MAGI3: variants seen among roughly 807,000 people sequenced by gnomAD.
The protein encoded by MAGI3 is membrane associated guanylate kinase, WW and PDZ domain containing 3, also known as membrane-associated guanylate kinase, WW and PDZ domain-containing protein 3.
MAGI3 carries 43 observed loss-of-function variants against 121.8 expected under a neutral mutation model. The observed-to-expected ratio is 0.35, with a 90% confidence interval of 0.28 to 0.46. The LOEUF (loss-of-function observed/expected upper bound fraction) is 0.46, where lower values mean the gene tolerates loss of function less well. MAGI3 is among the 20% of genes least tolerant of loss of function. The pLI, the probability that MAGI3 is intolerant of heterozygous loss-of-function variation, is 1.00. For synonymous variants in MAGI3, 553 were observed against 639.3 expected (o/e 0.86, Z 2.04); for missense variants, 1,547 against 1,797.3 (o/e 0.86, Z 2.52).
intron 15 of MAGI3, 111 bp downstream of exon 15, chr1:113,654,129 T>C: frequency 1.2e-6 from 1 of 825,736 alleles, no homozygotes; most frequent in Non-Finnish European, 1.9e-6. Flanking sequence ...TAGGTACTTA[T>C]CTTTTTAAGA....
intron 1 of MAGI3, among the ~76,000 whole-genome samples, chr1:113,512,828 G>A (rs968582299): frequency 6.6e-6 from 1 of 152,194 alleles, no homozygotes; most frequent in East Asian, 1.9e-4. Context: ...AAAAGAGGAA[G>A]TCAAATTGTC....
chr1:113,437,091 G>A (rs558796387), intron 1 of MAGI3, among the ~76,000 whole-genome samples: 1 of 152,206 alleles, frequency 6.6e-6, no homozygotes, highest in African/African-American at 2.4e-5. Flanking sequence ...TGGGATTACA[G>A]GCATGAGCCA....
chr1:113,492,785 C>G (rs566985935), intron 1 of MAGI3, among the ~76,000 whole-genome samples: 3 of 152,182 alleles, frequency 2.0e-5, no homozygotes, highest in South Asian at 2.1e-4. Context: ...GGAATGTAAT[C>G]CCATTCACAA....
At chr1:113,603,148 C>T (rs1437463143) in intron 6 of MAGI3, among the ~76,000 whole-genome samples, 2 of 152,002 alleles carry the variant, frequency 1.3e-5, no homozygotes, top group Non-Finnish European at 1.5e-5. Flanking sequence ...AAAATGGAGA[C>T]ATTACAACAA....
intron 9 of MAGI3, among the ~76,000 whole-genome samples, chr1:113,627,286 T>C (rs539517691): frequency 8.5e-4 from 130 of 152,106 alleles, no homozygotes; most frequent in Non-Finnish European, 1.3e-3. Context: ...CCATAGCAGT[T>C]GAGAAGATAC....
In MAGI3 at chr1:113,683,205, A is replaced by G. The variant is rs1233623156; in HGVS notation, c.3637A>G (p.Asn1213Asp). 5.6e-6 allele frequency: 9 copies of G among 1,613,888 alleles called. No homozygotes were observed. The highest frequency in any genetic ancestry group is 7.6e-6 in the Non-Finnish European group (9 of 1,179,908). Residue 1213 changes from asparagine to aspartate, a missense_variant, in exon 21 of 21, where the codon AAT (asparagine) becomes GAT (aspartate). Transcript: ENST00000307546. ...SNKKNLLKVE[N>D]GVTRRGRSVS... ...CAAGAAAAATCTATTAAAAGTAGAA[A>G]ATGGTGTTACACGAAGAGGTAGATC...
In MAGI3 at chr1:113,391,263, C is replaced by T; in HGVS notation, c.230C>T (p.Thr77Met). The change falls in exon 1 of 21, where the codon ACG (threonine) becomes ATG (methionine). Residue 77 changes from threonine to methionine, a missense_variant. By Grantham distance (81) the Thr-to-Met change is moderately conservative. Coordinates refer to ENST00000307546, the MANE Select transcript of MAGI3 (RefSeq NM_001142782.2). This position sits in a 1 kb window ranked among gnomAD's most constrained non-coding sequence, Gnocchi z 4.4. ...PGDVLLEVNG[T>M]PVSGLTNRDT... is the part of the protein sequence containing the mutation. Reference sequence around the variant, plus strand: ...GATGTGCTGCTGGAGGTAAACGGGACGCCTGTCAGCGGGCTCACCAACCGG... The same window carrying T: ...GATGTGCTGCTGGAGGTAAACGGGATGCCTGTCAGCGGGCTCACCAACCGG... The T allele has an allele frequency of 6.3e-7, 1 of 1,584,640 alleles. No homozygotes were observed.
At chr1:113,475,201 C>A (rs893398954) in intron 1 of MAGI3, among the ~76,000 whole-genome samples, 1 of 152,158 alleles carries the variant, frequency 6.6e-6, no homozygotes, top group Admixed American at 6.5e-5. Context: ...AATTTAACTT[C>A]CTCATTTCTG....
At chr1:113,398,466 C>A (rs1411938473) in intron 1 of MAGI3, among the ~76,000 whole-genome samples, 1 of 152,058 alleles carries the variant, frequency 6.6e-6, no homozygotes, top group East Asian at 1.9e-4. Context: ...GAACGGTAAC[C>A]GATCTACTTA....
intron 9 of MAGI3, among the ~76,000 whole-genome samples, chr1:113,623,445 C>CACACACT: frequency 1.3e-5 from 1 of 78,664 alleles, no homozygotes; most frequent in African/African-American, 4.7e-5. Context: ...CATATATATA[C>CACACACT]ACACACATAC....
chr1:113,635,276 G>GGA (rs1411373673), intron 9 of MAGI3, among the ~76,000 whole-genome samples: 1 of 152,198 alleles, frequency 6.6e-6, no homozygotes, highest in Admixed American at 6.5e-5. Flanking sequence ...GAATAGGAGT[G>GGA]GTGAGAGAGG....
intron 2 of MAGI3, among the ~76,000 whole-genome samples, chr1:113,570,854 C>A (rs185248153): frequency 1.2e-4 from 18 of 152,258 alleles, no homozygotes; most frequent in Non-Finnish European, 2.4e-4. Flanking sequence ...CCTGTTCACT[C>A]TGATGATAGT....
intron 1 of MAGI3, among the ~76,000 whole-genome samples, chr1:113,509,879 G>T (rs1355022172): frequency 6.7e-6 from 1 of 148,358 alleles, no homozygotes; most frequent in Non-Finnish European, 1.5e-5. Context: ...CACGAGCCTG[G>T]CCTGTCTCGC....
intron 1 of MAGI3, among the ~76,000 whole-genome samples, chr1:113,494,745 T>C (rs1656836121): frequency 6.6e-6 from 1 of 152,202 alleles, no homozygotes; most frequent in African/African-American, 2.4e-5. Context: ...TCTGTTGTAG[T>C]TAGGGCTCTT....
chr1:113,548,787 G>A (rs1659646471), intron 1 of MAGI3, among the ~76,000 whole-genome samples: 1 of 152,212 alleles, frequency 6.6e-6, no homozygotes, highest in Non-Finnish European at 1.5e-5. Flanking sequence ...AAGGAGACAA[G>A]AATGATGCCG....
At chr1:113,540,979 T>C (rs1248340752) in intron 1 of MAGI3, among the ~76,000 whole-genome samples, 1 of 152,212 alleles carries the variant, frequency 6.6e-6, no homozygotes, top group Non-Finnish European at 1.5e-5. Context: ...GTAGAGCTCA[T>C]GGATTTTCCA....
At chr1:113,655,098 G>A (rs1653398862) in intron 15 of MAGI3, among the ~76,000 whole-genome samples, 1 of 152,144 alleles carries the variant, frequency 6.6e-6, no homozygotes, top group Non-Finnish European at 1.5e-5. Flanking sequence ...GAAACACTTG[G>A]AACTGGAACT....
In MAGI3 at chr1:113,658,984, T is replaced by G; in HGVS notation, c.2630-96T>G. 1.0e-6 allele frequency: 1 copy of G among 1,001,822 alleles called. No individual in the cohort carries two copies. The highest frequency in any genetic ancestry group is 3.2e-4 in the Middle Eastern group (1 of 3,094). 62.1% of individuals were successfully genotyped at this position (1,001,822 alleles called of 1,614,324 possible). A position where few individuals can be genotyped will look rare whatever the true frequency, so the allele number is the denominator to read the frequency against. On this transcript the variant is annotated intron_variant, in intron 15 of 20. Transcript: ENST00000307546. This position sits in a 1 kb window ranked among gnomAD's most constrained non-coding sequence, Gnocchi z 4.0. ...CTGTTATGTTTTTAAATAATTTTCTTTGATGTTATGTTGAATTTTAAATGA... is the reference window on the plus strand; with the variant it reads ...CTGTTATGTTTTTAAATAATTTTCTGTGATGTTATGTTGAATTTTAAATGA...
intron 15 of MAGI3, among the ~76,000 whole-genome samples, chr1:113,654,527 A>G (rs1235827157): frequency 1.3e-5 from 2 of 152,196 alleles, no homozygotes; most frequent in East Asian, 3.8e-4. Context: ...TAAGAGGCAT[A>G]CCTTTTATAA....
Sources: allele counts gnomAD v4.1 joint callset (sites outside exome capture counted in the v4.1 genomes callset), GRCh38; gene constraint gnomAD v4.1.1; non-coding constraint Gnocchi (gnomAD v3.1); transcripts MANE v1.5; gene names NCBI Gene and HGNC (gene_info 2026-07-23, HGNC 2026-07-21).